Variants in IL1RAPL2 observed in about 807,000 individuals in gnomAD.
IL1RAPL2 encodes interleukin 1 receptor accessory protein like 2, also known as X-linked interleukin-1 receptor accessory protein-like 2.
A neutral mutation model predicts 44.1 loss-of-function variants in IL1RAPL2; 3 were observed. That is an observed-to-expected ratio of 0.07 (90% CI 0.03 to 0.18). IL1RAPL2 has a LOEUF of 0.18. IL1RAPL2 is among the 10% of genes least tolerant of loss of function. IL1RAPL2 has a pLI of 1.00. For synonymous variants in IL1RAPL2, 181 were observed against 178.8 expected, an observed-to-expected ratio of 1.01 and a Z score of -0.10; for missense variants, 391 against 496.4, an observed-to-expected ratio of 0.79 and a Z score of 2.02.
intron 2 of IL1RAPL2, among the ~76,000 whole-genome samples, chrX:105,013,796 T>TTTC (rs1240490553): frequency 4.5e-5 from 5 of 112,128 alleles, no homozygotes; most frequent in Non-Finnish European, 1.9e-5. Flanking sequence ...ACGATGACTC[T>TTTC]TTTTCCACAT....
intron 2 of IL1RAPL2, among the ~76,000 whole-genome samples, chrX:104,719,323 T>C (rs1931635460): frequency 8.9e-6 from 1 of 112,210 alleles, no homozygotes; most frequent in African/African-American, 3.2e-5. Flanking sequence ...ATAGTCTTTA[T>C]GTAGTTTCAT....
At chrX:105,427,528 C>T (rs2035819284) in intron 5 of IL1RAPL2, among the ~76,000 whole-genome samples, 1 of 112,229 alleles carries the variant, frequency 8.9e-6, no homozygotes, top group East Asian at 2.8e-4. Context: ...TTTATAAATG[C>T]AGCAGATTTG....
intron 2 of IL1RAPL2, among the ~76,000 whole-genome samples, chrX:105,076,446 GA>G (rs1167997200): frequency 9.0e-6 from 1 of 111,597 alleles, no homozygotes; most frequent in Non-Finnish European, 1.9e-5. Context: ...ATTTGCTGAG[GA>G]GTGTTTTACA....
intron 2 of IL1RAPL2, among the ~76,000 whole-genome samples, chrX:104,859,682 A>C (rs2147646541): frequency 8.9e-6 from 1 of 112,057 alleles, no homozygotes; most frequent in South Asian, 3.7e-4. Flanking sequence ...TGAGAAAGTA[A>C]TTTTTTCTAA....
chrX:105,613,341 C>G (rs1236028634), intron 6 of IL1RAPL2, among the ~76,000 whole-genome samples: 1 of 112,334 alleles, frequency 8.9e-6, no homozygotes, highest in Non-Finnish European at 1.9e-5. Flanking sequence ...GTTAGTATGC[C>G]ATGGGCCTTC....
intron 2 of IL1RAPL2, among the ~76,000 whole-genome samples, chrX:105,019,665 C>T (rs941995786): frequency 9.0e-6 from 1 of 111,640 alleles, no homozygotes; most frequent in Non-Finnish European, 1.9e-5. Context: ...AAAAATTGAG[C>T]TAGAAATAAA....
chrX:105,693,289 A>G (rs1462171973), intron 6 of IL1RAPL2, among the ~76,000 whole-genome samples: 2 of 111,820 alleles, frequency 1.8e-5, no homozygotes, highest in Non-Finnish European at 3.8e-5. Context: ...GTGATTGCCA[A>G]TGTTGGAGGT....
At chrX:104,803,337 T>C (rs1932897795) in intron 2 of IL1RAPL2, among the ~76,000 whole-genome samples, 1 of 112,017 alleles carries the variant, frequency 8.9e-6, no homozygotes, top group Non-Finnish European at 1.9e-5. Context: ...CTGTGCTCAG[T>C]TTGGCAATGA....
chrX:105,523,562 A>C (rs764329134), intron 6 of IL1RAPL2, among the ~76,000 whole-genome samples: 1 of 111,563 alleles, frequency 9.0e-6, no homozygotes, highest in African/African-American at 3.3e-5. Flanking sequence ...TGACAATTGA[A>C]ACAAATTGTT....
At chrX:104,648,018 C>G in intron 1 of IL1RAPL2, 1 of 585,868 alleles carries the variant, frequency 1.7e-6, no homozygotes, top group South Asian at 2.4e-5. Flanking sequence ...TCTGCTGGAC[C>G]CTCTCACACC....
chrX:105,764,010 C>T (rs1360033164), intron 10 of IL1RAPL2, among the ~76,000 whole-genome samples: 1 of 111,487 alleles, frequency 9.0e-6, no homozygotes, highest in African/African-American at 3.3e-5. Context: ...ATAGGGCAAA[C>T]CAGGATAATT....
chrX:105,699,062 T>G (rs921310178), intron 6 of IL1RAPL2, among the ~76,000 whole-genome samples: 1 of 111,088 alleles, frequency 9.0e-6, no homozygotes, highest in Admixed American at 9.6e-5. Flanking sequence ...ATATGTAGGG[T>G]TTTTTTTCTG....
chrX:105,758,276 T>C (rs1480895294), intron 10 of IL1RAPL2, among the ~76,000 whole-genome samples: 1 of 111,993 alleles, frequency 8.9e-6, no homozygotes, highest in East Asian at 2.8e-4. Context: ...ATCTATGACA[T>C]AAACCCATTC....
intron 1 of IL1RAPL2, among the ~76,000 whole-genome samples, chrX:104,611,858 A>AAAAGAATTTC (rs1929169606): frequency 9.3e-6 from 1 of 107,381 alleles, no homozygotes; most frequent in Non-Finnish European, 1.9e-5. Flanking sequence ...AAAAAAAAAA[A>AAAAGAATTTC]AAAGAATTTC....
chrX:104,760,661 C>T (rs1932412556), intron 2 of IL1RAPL2, among the ~76,000 whole-genome samples: 1 of 109,777 alleles, frequency 9.1e-6, no homozygotes, highest in South Asian at 3.9e-4. Flanking sequence ...ATAGTTTGAA[C>T]TCCTTCTATT....
intron 2 of IL1RAPL2, among the ~76,000 whole-genome samples, chrX:105,011,089 C>T (rs1371937525): frequency 1.8e-5 from 2 of 110,850 alleles, no homozygotes; most frequent in African/African-American, 6.5e-5. Flanking sequence ...CAAATCCTGG[C>T]TCTGTCCTTT....
At chrX:105,403,292 G>T (rs1229407321) in intron 5 of IL1RAPL2, among the ~76,000 whole-genome samples, 1 of 111,606 alleles carries the variant, frequency 9.0e-6, no homozygotes, top group Non-Finnish European at 1.9e-5. Context: ...TGCTTTCTAA[G>T]AATGACTATA....
chrX:104,943,915 C>A (rs917568445), intron 2 of IL1RAPL2, among the ~76,000 whole-genome samples: 1 of 112,048 alleles, frequency 8.9e-6, no homozygotes, highest in Admixed American at 9.5e-5. Flanking sequence ...AGGATTAGCA[C>A]TCAATAAATA....
intron 2 of IL1RAPL2, among the ~76,000 whole-genome samples, chrX:105,187,427 A>T (rs1239536140): frequency 9.0e-6 from 1 of 111,368 alleles, no homozygotes; most frequent in African/African-American, 3.3e-5. Flanking sequence ...AATACATCTA[A>T]TTATTCTTCT....
Sources: gnomAD v4.1 joint callset for allele counts (sites outside exome capture counted in the v4.1 genomes callset) on GRCh38, gnomAD v4.1.1 for gene constraint, MANE v1.5 for transcripts, NCBI Gene and HGNC (gene_info 2026-07-23, HGNC 2026-07-21) for gene names.